The following HPSE2 variants were observed in gnomAD, a reference collection of about 807,000 sequenced individuals.
The protein encoded by HPSE2 is inactive heparanase-2.
A neutral mutation model predicts 60.5 loss-of-function variants in HPSE2; 38 were observed. The observed-to-expected ratio is 0.63, with a 90% CI of 0.48 to 0.82. HPSE2 has a LOEUF of 0.82. Ranked by LOEUF, HPSE2 falls within the 40% of genes least tolerant of loss-of-function variation. The pLI is 0.00. For synonymous variants in HPSE2, 295 were observed against 293.2 expected (o/e 1.01, Z -0.06); for missense variants, 713 against 740.4 (o/e 0.96, Z 0.43).
intron 3 of HPSE2, among the ~76,000 whole-genome samples, chr10:98,751,130 G>A (rs906560162): frequency 6.6e-6 from 1 of 151,862 alleles, no homozygotes; most frequent in African/African-American, 2.4e-5. Flanking sequence ...TTTTTGTTAC[G>A]TATTTCCCTC....
rs142575868 is a variant in HPSE2 at position 98,731,365 on chromosome 10, A to G, written c.785-9537T>C. On this transcript the variant is annotated intron_variant, in intron 4 of 11. Coordinates refer to ENST00000370552, the MANE Select transcript of HPSE2 (RefSeq NM_021828.5). ...TCATAACATAGATGTAAAATCCCCA[A>G]CAAAATATTTACAAAGTAAGTCCAG... Among the ~76,000 whole-genome samples, 114 of 152,292 alleles carry G rather than the reference A, an allele frequency of 7.5e-4. 1 individual carries two copies. The highest frequency in any genetic ancestry group is 2.6e-3 in the African/African-American group (110 of 41,572).
chr10:98,470,207 T>C (rs1005412169), intron 11 of HPSE2, among the ~76,000 whole-genome samples: 4 of 152,186 alleles, frequency 2.6e-5, no homozygotes. Flanking sequence ...AAATACCTGT[T>C]TTATTAACTT....
intron 4 of HPSE2, among the ~76,000 whole-genome samples, chr10:98,736,747 A>T (rs1167779037): frequency 2.0e-5 from 3 of 152,208 alleles, no homozygotes; most frequent in Non-Finnish European, 2.9e-5. Flanking sequence ...TTACCTTTAG[A>T]TACTAAACTC....
At chr10:99,242,480 C>T in the HPSE2 span, among the ~76,000 whole-genome samples, 1 of 152,216 alleles carries the variant, frequency 6.6e-6, no homozygotes, top group Non-Finnish European at 1.5e-5. Flanking sequence ...CAGTTTGAAA[C>T]CCCTTAGCAT....
chr10:98,471,873 T>G (rs1355168126), intron 11 of HPSE2, among the ~76,000 whole-genome samples: 1 of 152,204 alleles, frequency 6.6e-6, no homozygotes, highest in Non-Finnish European at 1.5e-5. Context: ...AGTTCTAGAC[T>G]GTGTTGCAGA....
intron 3 of HPSE2, among the ~76,000 whole-genome samples, chr10:99,021,067 C>T (rs150312931): frequency 6.6e-6 from 1 of 152,262 alleles, no homozygotes; most frequent in East Asian, 1.9e-4. Flanking sequence ...GTAAAGAACT[C>T]GAAATTATCT....
At chr10:98,542,677 G>C (rs1369997440) in intron 9 of HPSE2, among the ~76,000 whole-genome samples, 24 of 150,854 alleles carry the variant, frequency 1.6e-4, no homozygotes, top group African/African-American at 5.3e-4. Context: ...ACTACGTGAA[G>C]AATGCAGAAG....
intron 6 of HPSE2, among the ~76,000 whole-genome samples, chr10:98,667,463 G>A (rs550220136): frequency 6.6e-6 from 1 of 152,170 alleles, no homozygotes; most frequent in East Asian, 1.9e-4. Context: ...AAATCTGGCA[G>A]AGACACAATG....
rs1332499847 is a variant in HPSE2, at chr10:98,458,804, C to G, written c.*770G>C. 1 of 153,644 alleles carries G rather than the reference C, an allele frequency of 6.5e-6. No homozygotes were observed. The highest frequency in any genetic ancestry group is 2.4e-5 in the African/African-American group (1 of 41,442). 9.5% of individuals were successfully genotyped at this position (153,644 alleles called of 1,614,324 possible). A position where few individuals can be genotyped will look rare whatever the true frequency, so the allele number is the denominator to read the frequency against. ...TTTTTGTTGTGCCTAATAAACTGCT[C>G]TCCACTCAATGAATATTGTTACTTG... is the stretch of plus-strand genomic sequence containing the variant. On this transcript the variant is annotated 3_prime_UTR_variant, in exon 12 of 12. Transcript: ENST00000370552.
At chr10:98,505,534 A>T (rs1374385224) in intron 9 of HPSE2, among the ~76,000 whole-genome samples, 1 of 152,288 alleles carries the variant, frequency 6.6e-6, no homozygotes, top group Non-Finnish European at 1.5e-5. Context: ...CTTGATTTAC[A>T]TCCTTGCCCA....
At chr10:98,553,171 T>C (rs991404716) in intron 9 of HPSE2, among the ~76,000 whole-genome samples, 1 of 152,204 alleles carries the variant, frequency 6.6e-6, no homozygotes, top group Non-Finnish European at 1.5e-5. Context: ...ATCTACAATG[T>C]GAATTCCCCA....
intron 3 of HPSE2, among the ~76,000 whole-genome samples, chr10:98,997,628 AAT>A (rs1198525468): frequency 3.9e-5 from 6 of 152,348 alleles, no homozygotes; most frequent in Non-Finnish European, 8.8e-5. Context: ...ACAATTTAAG[AAT>A]ATACAAATAG....
intron 3 of HPSE2, among the ~76,000 whole-genome samples, chr10:98,744,929 G>A (rs994154402): frequency 1.3e-5 from 2 of 152,208 alleles, no homozygotes; most frequent in Non-Finnish European, 2.9e-5. Flanking sequence ...ATTGCCGGGC[G>A]TGGTGGCTCA....
At chr10:99,058,937 G>T (rs1958173401) in intron 3 of HPSE2, among the ~76,000 whole-genome samples, 1 of 152,120 alleles carries the variant, frequency 6.6e-6, no homozygotes, top group Non-Finnish European at 1.5e-5. Flanking sequence ...AGCCATATGG[G>T]CTCTGTTACA....
chr10:99,276,594 C>CT, the HPSE2 span, among the ~76,000 whole-genome samples: 1 of 151,842 alleles, frequency 6.6e-6, no homozygotes, highest in Non-Finnish European at 1.5e-5. Context: ...CTTTTTACAT[C>CT]TTTTTTTTAA....
chr10:99,093,738 A>C (rs1356016795), intron 3 of HPSE2, among the ~76,000 whole-genome samples: 1 of 152,210 alleles, frequency 6.6e-6, no homozygotes, highest in Non-Finnish European at 1.5e-5. Context: ...TCACTTCCCA[A>C]CATTGTTGCA....
chr10:98,733,199 C>A (rs1314437473), intron 4 of HPSE2, among the ~76,000 whole-genome samples: 1 of 152,136 alleles, frequency 6.6e-6, no homozygotes, highest in Non-Finnish European at 1.5e-5. Context: ...TGGCTCACTG[C>A]AACCTTGAGT....
intron 3 of HPSE2, among the ~76,000 whole-genome samples, chr10:98,761,969 ACCTTC>A (rs1340478341): frequency 2.7e-5 from 4 of 149,124 alleles, no homozygotes; most frequent in African/African-American, 2.5e-5. Context: ...ATACTCATTT[ACCTTC>A]CCTCCCCTCC....
intron 3 of HPSE2, among the ~76,000 whole-genome samples, chr10:98,952,530 A>G (rs929185857): frequency 6.6e-6 from 1 of 152,180 alleles, no homozygotes; most frequent in African/African-American, 2.4e-5. Flanking sequence ...CTTTTCTCTT[A>G]GAAACTAAAA....
Sources: allele counts gnomAD v4.1 joint callset (sites outside exome capture counted in the v4.1 genomes callset), GRCh38; gene constraint gnomAD v4.1.1; transcripts MANE v1.5; gene names NCBI Gene and HGNC (gene_info 2026-07-23, HGNC 2026-07-21).